The following EIF4ENIF1 variants were observed in gnomAD, a reference collection of about 807,000 sequenced individuals.
EIF4ENIF1 encodes the protein eukaryotic translation initiation factor 4E nuclear import factor 1, also known as eukaryotic translation initiation factor 4E transporter.
A neutral mutation model predicts 110.5 loss-of-function variants in EIF4ENIF1; 23 were observed. The observed-to-expected ratio is 0.21, with a 90% confidence interval of 0.15 to 0.29. The LOEUF is 0.29. Ranked by LOEUF, EIF4ENIF1 falls within the 10% of genes least tolerant of loss-of-function variation. The probability of loss-of-function intolerance (pLI) is 1.00; values close to 1 mark genes in which losing one functional copy is unlikely to be tolerated. For missense variants in EIF4ENIF1, 1,031 were observed against 1,221.1 expected (o/e 0.84, Z 2.32); for synonymous variants, 440 against 437.0 (o/e 1.01, Z -0.09).
Position 31,442,137 on chromosome 22 carries a change from A to G in EIF4ENIF1, c.2207-19T>C. The G allele has an allele frequency of 2.5e-6, 4 of 1,579,306 alleles. No homozygotes were observed. Among genetic ancestry groups the G allele is most frequent in the South Asian group, 1.1e-5 (1 of 87,048 alleles). On this transcript the variant is annotated intron_variant, in intron 16 of 18. Transcript: ENST00000330125. ...AGGTTTTCTGTGAGGAACCAAACAA[A>G]AAATATTTTGGCAAACCTCTCCCAA...
intron 14 of EIF4ENIF1, among the ~76,000 whole-genome samples, chr22:31,445,875 T>C (rs1425092143): frequency 6.6e-6 from 1 of 151,090 alleles, no homozygotes; most frequent in Non-Finnish European, 1.5e-5. Flanking sequence ...CTGAAATGAC[T>C]CAAATATGCT....
At position 31,444,528 on chromosome 22, in the gene EIF4ENIF1, G is replaced by C; in HGVS notation, c.2073+78C>G. 6 of 1,365,910 alleles carry C rather than the reference G, an allele frequency of 4.4e-6. No homozygotes were observed. In the South Asian group the frequency reaches 7.0e-5, roughly 16 times the overall value. The allele number at this position is 1,365,910 out of a possible 1,614,324, so 84.6% of individuals were successfully genotyped here. ...TGGAAGGAACTCAAGGACATTTAGG[G>C]CACACAGTGGTACAATCCATGCACA... is the stretch of plus-strand genomic sequence containing the variant. On this transcript the variant is annotated intron_variant, in intron 15 of 18. Transcript: ENST00000330125.
rs761982631 is a variant in EIF4ENIF1, at chr22:31,463,845, C to T, written c.421G>A (p.Glu141Lys). Residue 141 changes from glutamate to lysine, a missense_variant, in exon 5 of 19, where the codon GAG becomes AAG. This residue lies in a region of EIF4ENIF1 where 704 missense variants were observed against 879.7 expected (regional missense o/e 0.80). Coordinates refer to ENST00000330125, the MANE Select transcript of EIF4ENIF1 (RefSeq NM_019843.4). The stretch of plus-strand genomic sequence containing the variant: ...AGACGAAGCCCATCACTATCTTTCT[C>T]TAATGGACTTCCTGAGCGCCGGGAG... ...VSSRRSGSPL[E>K]KDSDGLRLLG... The T allele has an allele frequency of 6.2e-7, 1 of 1,614,076 alleles. No homozygotes were observed. Among genetic ancestry groups the T allele is most frequent in the East Asian group, 2.2e-5 (1 of 44,856 alleles).
chr22:31,491,776 C>G (rs1379060338), upstream of EIF4ENIF1, among the ~76,000 whole-genome samples: 1 of 152,120 alleles, frequency 6.6e-6, no homozygotes, highest in African/African-American at 2.4e-5. Flanking sequence ...TTCCTGGCCT[C>G]AAGTGATCCT....
chr22:31,489,045 G>C, intron 1 of EIF4ENIF1: 1 of 252,178 alleles, frequency 4.0e-6, no homozygotes, highest in Non-Finnish European at 7.7e-6. Context: ...CCACCCATGG[G>C]GATCTTTCAA....
chr22:31,441,645 G>A (rs1467538113), intron 17 of EIF4ENIF1, 129 bp downstream of exon 17: 1 of 797,784 alleles, frequency 1.3e-6, no homozygotes, highest in Non-Finnish European at 1.9e-6. Context: ...CTGCCTGCCA[G>A]TTAGATGGGA....
downstream of EIF4ENIF1, among the ~76,000 whole-genome samples, chr22:31,438,875 A>G (rs1169378562): frequency 6.6e-6 from 1 of 152,046 alleles, no homozygotes; most frequent in Non-Finnish European, 1.5e-5. Flanking sequence ...AGTGTGGGCC[A>G]CCATGCCCAG....
intron 2 of EIF4ENIF1, among the ~76,000 whole-genome samples, chr22:31,473,063 C>CTTT (rs36036794): frequency 3.0e-5 from 4 of 133,190 alleles, no homozygotes; most frequent in East Asian, 4.3e-4. Flanking sequence ...TATGAGCGAG[C>CTTT]TTTTTTTTTT....
chr22:31,492,436 T>C (rs2052293603), upstream of EIF4ENIF1, among the ~76,000 whole-genome samples: 1 of 152,236 alleles, frequency 6.6e-6, no homozygotes, highest in African/African-American at 2.4e-5. Context: ...CATGATTTGA[T>C]AGCTGGAACT....
At chr22:31,440,891 A>G (rs1377081121) in intron 17 of EIF4ENIF1, 23 bp from the exon 18 acceptor site, 2 of 1,613,422 alleles carry the variant, frequency 1.2e-6, no homozygotes, top group Non-Finnish European at 1.7e-6. Flanking sequence ...AAAAGCAAGC[A>G]GCTGAGTAGT....
intron 2 of EIF4ENIF1, among the ~76,000 whole-genome samples, chr22:31,474,901 A>C (rs1003236849): frequency 6.6e-6 from 1 of 152,198 alleles, no homozygotes; most frequent in Admixed American, 6.5e-5. Flanking sequence ...CTCCCATCCC[A>C]GGCCTTGTAG....
At chr22:31,488,379 T>G (rs2052125602) in intron 2 of EIF4ENIF1, among the ~76,000 whole-genome samples, 1 of 152,118 alleles carries the variant, frequency 6.6e-6, no homozygotes, top group Non-Finnish European at 1.5e-5. Context: ...ATCCGCAATT[T>G]TAAAAAAATC....
intron 14 of EIF4ENIF1, among the ~76,000 whole-genome samples, chr22:31,446,178 G>A (rs574305606): frequency 3.9e-4 from 59 of 150,666 alleles, no homozygotes; most frequent in African/African-American, 1.3e-3. Context: ...CTAGCTACTC[G>A]GGAGGCTGAG....
At chr22:31,449,298 C>T (rs1163206612) in intron 12 of EIF4ENIF1, 50 bp downstream of exon 12, 1 of 1,572,400 alleles carries the variant, frequency 6.4e-7, no homozygotes, top group Admixed American at 1.7e-5. Flanking sequence ...GCATGAGCTA[C>T]CGTGCCTGGC....
chr22:31,450,719 GACAC>G (rs10550760), intron 10 of EIF4ENIF1: 3,088 of 238,778 alleles, frequency 0.013, 6 homozygotes, highest in South Asian at 0.025. Context: ...ATTTATTGGA[GACAC>G]ACACACACAC....
At chr22:31,476,021 G>A (rs1471283463) in intron 2 of EIF4ENIF1, among the ~76,000 whole-genome samples, 1 of 152,110 alleles carries the variant, frequency 6.6e-6, no homozygotes, top group Non-Finnish European at 1.5e-5. Flanking sequence ...CTGTAACACA[G>A]AAATCCTAAG....
rs2050468317 is a variant in EIF4ENIF1, at chr22:31,446,176, T to G, written c.1988+1250A>C. Among the ~76,000 whole-genome samples, 8 of 149,682 alleles carry G rather than the reference T, an allele frequency of 5.3e-5. No homozygotes were observed. The Admixed American group carries it at 5.4e-4, about 10-fold the overall frequency. On this transcript the variant is annotated intron_variant, in intron 14 of 18. Coordinates refer to ENST00000330125, the MANE Select transcript of EIF4ENIF1 (RefSeq NM_019843.4). Reference sequence around the variant, plus strand: ...GGCACACTCCTGTAATCCTAGCTACTCGGGAGGCTGAGGCATGAGAACTGC... The same window carrying G: ...GGCACACTCCTGTAATCCTAGCTACGCGGGAGGCTGAGGCATGAGAACTGC...
At chr22:31,453,339 AT>A in intron 10 of EIF4ENIF1, 1 of 375,916 alleles carries the variant, frequency 2.7e-6, no homozygotes, top group Non-Finnish European at 5.2e-6. Flanking sequence ...CCATTAGTAA[AT>A]TGACAGAATG....
At chr22:31,444,719 C>A in intron 14 of EIF4ENIF1, 29 bp from the exon 15 acceptor site, 1 of 1,604,068 alleles carries the variant, frequency 6.2e-7, no homozygotes, top group Non-Finnish European at 8.5e-7. Flanking sequence ...TCAGCATGAA[C>A]CCCAATCTGC....
Sources: allele counts gnomAD v4.1 joint callset (sites outside exome capture counted in the v4.1 genomes callset), GRCh38; gene constraint gnomAD v4.1.1; regional missense constraint gnomAD v4.1.1; transcripts MANE v1.5; gene names NCBI Gene and HGNC (gene_info 2026-07-23, HGNC 2026-07-21).